DHX35: variants seen among roughly 807,000 people sequenced by gnomAD.
DHX35 encodes probable ATP-dependent RNA helicase DHX35.
DHX35 carries 84 observed loss-of-function variants against 99.6 expected under a neutral mutation model. The ratio of observed to expected loss-of-function variants is 0.84; its 90% confidence interval spans 0.71 to 1.01. The LOEUF (loss-of-function observed/expected upper bound fraction) is 1.01, where lower values mean the gene tolerates loss of function less well. DHX35 is among the 50% of genes least tolerant of loss of function. The pLI is 0.00. For missense variants in DHX35, 852 were observed against 888.5 expected, an observed-to-expected ratio of 0.96 and a Z score of 0.52; for synonymous variants, 331 against 316.2, an observed-to-expected ratio of 1.05 and a Z score of -0.50.
At chr20:38,968,555 C>CT (rs955592023) in intron 1 of DHX35, among the ~76,000 whole-genome samples, 29 of 151,014 alleles carry the variant, frequency 1.9e-4, no homozygotes, top group African/African-American at 5.8e-4. Context: ...TTTCTTTTTT[C>CT]TTTTTTTTTG....
At chr20:39,008,064 C>T (rs1000097166) in intron 12 of DHX35, among the ~76,000 whole-genome samples, 1 of 152,230 alleles carries the variant, frequency 6.6e-6, no homozygotes, top group African/African-American at 2.4e-5. Flanking sequence ...TTCTGGCTAC[C>T]AGTCCCTGGA....
intron 18 of DHX35, among the ~76,000 whole-genome samples, chr20:39,027,888 C>G (rs947198519): frequency 6.6e-6 from 1 of 152,142 alleles, no homozygotes; most frequent in South Asian, 2.1e-4. Flanking sequence ...AGTGGGGAAG[C>G]TTTATTCATG....
At position 39,010,085 on chromosome 20, in the gene DHX35, TTATC is replaced by T. The variant is rs776049479; in HGVS notation, c.1223-192_1223-189del. 2.6e-5 allele frequency among the ~76,000 whole-genome samples: 4 copies of T among 152,188 alleles called. No individual in the cohort carries two copies. In the East Asian group the frequency reaches 5.8e-4, roughly 22 times the overall value. ...TTTATAAAGGTGTATTCAAATATAT[TTATC>T]TAAGGCATTTTAAAAATAGAATGGT... On this transcript the variant is annotated intron_variant, in intron 12 of 21. Transcript: ENST00000252011.
intron 20 of DHX35, 117 bp downstream of exon 20, chr20:39,030,892 G>A: frequency 1.8e-6 from 2 of 1,142,824 alleles, no homozygotes; most frequent in Non-Finnish European, 2.5e-6. Context: ...GCCGGGCGTG[G>A]TGGCTCACGC....
intron 7 of DHX35, among the ~76,000 whole-genome samples, chr20:38,993,970 C>T (rs550985165): frequency 4.6e-4 from 70 of 152,256 alleles, no homozygotes; most frequent in African/African-American, 1.6e-3. Context: ...AGGTGGGAGG[C>T]AGGTGGACCG....
At chr20:39,038,016 TC>T (rs1375979511) in intron 21 of DHX35, among the ~76,000 whole-genome samples, 2 of 152,210 alleles carry the variant, frequency 1.3e-5, no homozygotes, top group African/African-American at 4.8e-5. Flanking sequence ...TTTATCTCCA[TC>T]CTTGAGCATG....
Position 39,038,568 on chromosome 20 carries a change from G to A in DHX35, c.*25G>A. ...AGAGGAGCCCACAGCTACAGCTGCAGGGACTGCTGGCGTCCTCTCCTCCAT... is the reference window on the plus strand; with the variant it reads ...AGAGGAGCCCACAGCTACAGCTGCAAGGACTGCTGGCGTCCTCTCCTCCAT... On this transcript the variant is annotated 3_prime_UTR_variant, in exon 22 of 22. Transcript: ENST00000252011. 1.9e-6 allele frequency: 3 copies of A among 1,607,490 alleles called. No individual in the cohort carries two copies. Among genetic ancestry groups the A allele is most frequent in the Non-Finnish European group, 2.5e-6 (3 of 1,178,906 alleles).
intron 8 of DHX35, among the ~76,000 whole-genome samples, chr20:38,998,589 G>A (rs1292873722): frequency 6.6e-6 from 1 of 152,162 alleles, no homozygotes; most frequent in East Asian, 1.9e-4. Context: ...GTATGTCAAT[G>A]TGACCCCACC....
intron 21 of DHX35, among the ~76,000 whole-genome samples, chr20:39,035,444 T>C (rs2087134396): frequency 6.6e-6 from 1 of 152,218 alleles, no homozygotes; most frequent in Admixed American, 6.5e-5. Context: ...TTTGCCCAAG[T>C]TTACTGTTGT....
intron 4 of DHX35, among the ~76,000 whole-genome samples, chr20:38,987,786 A>G (rs1217291090): frequency 6.6e-6 from 1 of 151,916 alleles, no homozygotes; most frequent in Non-Finnish European, 1.5e-5. Flanking sequence ...CTTTCACTTT[A>G]TTATGCTACC....
At chr20:38,984,194 G>A (rs1449827975) in intron 4 of DHX35, among the ~76,000 whole-genome samples, 1 of 152,182 alleles carries the variant, frequency 6.6e-6, no homozygotes, top group Non-Finnish European at 1.5e-5. Context: ...ACAGGCATGA[G>A]CCACTGTGCC....
chr20:39,034,504 T>G (rs2087112599), intron 21 of DHX35, among the ~76,000 whole-genome samples, 187 bp downstream of exon 21: 1 of 152,126 alleles, frequency 6.6e-6, no homozygotes, highest in African/African-American at 2.4e-5. Flanking sequence ...CATAGTGAAG[T>G]GCAATTAAAA....
intron 4 of DHX35, among the ~76,000 whole-genome samples, chr20:38,986,410 A>G (rs2086250011): frequency 6.6e-6 from 1 of 152,236 alleles, no homozygotes; most frequent in Admixed American, 6.5e-5. Context: ...TAGCAAATGT[A>G]TTCAAATAGT....
intron 14 of DHX35, among the ~76,000 whole-genome samples, chr20:39,016,663 T>G (rs1600429210): frequency 2.0e-5 from 3 of 152,354 alleles, no homozygotes; most frequent in Admixed American, 2.0e-4. Context: ...GTTCCAGTTT[T>G]TCCACATTGT....
intron 12 of DHX35, among the ~76,000 whole-genome samples, chr20:39,007,220 A>T (rs2086632937): frequency 6.6e-6 from 1 of 151,978 alleles, no homozygotes; most frequent in African/African-American, 2.4e-5. Flanking sequence ...GTCCTTGTTC[A>T]GTCTTTGATG....
intron 2 of DHX35, among the ~76,000 whole-genome samples, chr20:38,972,268 C>T (rs1044865820): frequency 2.0e-5 from 3 of 152,100 alleles, no homozygotes; most frequent in African/African-American, 7.2e-5. Context: ...GCCCTGGCCT[C>T]CCAAAGTGCT....
chr20:38,962,659 T>TAA, intron 1 of DHX35: 1 of 521,792 alleles, frequency 1.9e-6, no homozygotes, highest in Non-Finnish European at 3.4e-6. Flanking sequence ...AGGCCTCGTC[T>TAA]TCCTCGTTAC....
chr20:39,014,814 A>C (rs1600425550), intron 13 of DHX35, 66 bp from the exon 14 acceptor site: 1 of 1,591,570 alleles, frequency 6.3e-7, no homozygotes, highest in African/African-American at 1.3e-5. Context: ...TGAAAAGGAA[A>C]CAGCCACATT....
At chr20:39,017,246 A>G (rs1248173382) in intron 14 of DHX35, among the ~76,000 whole-genome samples, 1 of 152,068 alleles carries the variant, frequency 6.6e-6, no homozygotes, top group Non-Finnish European at 1.5e-5. Flanking sequence ...TGTTGATTTT[A>G]CTTCTCTGTG....
Sources: gnomAD v4.1 joint callset for allele counts (sites outside exome capture counted in the v4.1 genomes callset) on GRCh38, gnomAD v4.1.1 for gene constraint, MANE v1.5 for transcripts, NCBI Gene and HGNC (gene_info 2026-07-23, HGNC 2026-07-21) for gene names.